The following EFCAB13 variants were observed in gnomAD, a reference collection of about 807,000 sequenced individuals.
EFCAB13 encodes the protein EF-hand calcium-binding domain-containing protein 13.
EFCAB13 carries 91 observed loss-of-function variants against 110.2 expected under a neutral mutation model. That is an observed-to-expected ratio of 0.83 (90% CI 0.70 to 0.98). The LOEUF (loss-of-function observed/expected upper bound fraction) is 0.98, where lower values mean the gene tolerates loss of function less well. EFCAB13 is among the 50% of genes least tolerant of loss of function. The probability of loss-of-function intolerance (pLI) is 0.00; values close to 1 mark genes in which losing one functional copy is unlikely to be tolerated. For synonymous variants in EFCAB13, 323 were observed against 369.9 expected, an observed-to-expected ratio of 0.87 and a Z score of 1.45; for missense variants, 968 against 1,119.4, an observed-to-expected ratio of 0.86 and a Z score of 1.93.
chr17:47,336,378 G>A (rs923073441), intron 5 of EFCAB13, among the ~76,000 whole-genome samples: 7 of 150,766 alleles, frequency 4.6e-5, no homozygotes, highest in South Asian at 2.1e-4. Flanking sequence ...TGCAAGCTGC[G>A]CCTCCTGGGT....
At chr17:47,429,629 C>T (rs1439584643) in intron 23 of EFCAB13, among the ~76,000 whole-genome samples, 189 bp from the exon 24 acceptor site, 1 of 152,212 alleles carries the variant, frequency 6.6e-6, no homozygotes, top group Non-Finnish European at 1.5e-5. Flanking sequence ...GTGTCTAGCA[C>T]TTAGCAAGTG....
At position 47,404,015 on chromosome 17, in the gene EFCAB13, G is replaced by C. The variant is rs761297607; in HGVS notation, c.2155G>C (p.Val719Leu). 6.3e-7 allele frequency: 1 copy of C among 1,585,458 alleles called. No homozygotes were observed. Among genetic ancestry groups the C allele is most frequent in the Non-Finnish European group, 8.6e-7 (1 of 1,169,458 alleles). The change falls in exon 19 of 25, where the codon GTT (valine) becomes CTT (leucine). Residue 719 changes from valine (V) to leucine (L), a missense_variant. By Grantham distance (32) the Val-to-Leu change is conservative. Transcript: ENST00000331493. ...AGAGAAAATTCTTCAATCAGATTTT[G>C]TTTCTGGTAAGCATTTTAAATATTA... ...EVEKILQSDF[V>L]SEDNMVNIKD...
At position 47,435,769 on chromosome 17, in the gene EFCAB13, G is replaced by A. The variant is rs570840927; in HGVS notation, c.2639-4662G>A. On this transcript the variant is annotated intron_variant, in intron 24 of 24. Transcript: ENST00000331493. The stretch of plus-strand genomic sequence containing the variant: ...GTTTGACTTCCTCTTTACCAGTTTC[G>A]ATGCCTTTCTTTCTCTTGCCATATT... 1.4e-4 allele frequency among the ~76,000 whole-genome samples: 21 copies of A among 151,946 alleles called. No homozygotes were observed. The South Asian group carries it at 4.2e-3, about 30-fold the overall frequency.
intron 21 of EFCAB13, among the ~76,000 whole-genome samples, chr17:47,411,505 TATATG>T (rs1567802625): frequency 1.3e-5 from 2 of 152,236 alleles, no homozygotes; most frequent in Admixed American, 1.3e-4. Flanking sequence ...TATCACTTAC[TATATG>T]ATATATTATA....
At chr17:47,325,953 TATATATATAGC>T (rs1251070111) in intron 2 of EFCAB13, among the ~76,000 whole-genome samples, 4 of 102,092 alleles carry the variant, frequency 3.9e-5, no homozygotes, top group African/African-American at 9.2e-5. Flanking sequence ...TATATATATA[TATATATATAGC>T]ATATATATAT....
intron 12 of EFCAB13, chr17:47,377,524 C>G (rs1405987715): frequency 4.3e-6 from 1 of 232,194 alleles, no homozygotes; most frequent in East Asian, 8.7e-5. Flanking sequence ...CAGGCTGTTC[C>G]CCCAAACAAG....
At chr17:47,351,596 A>G (rs1000663166) in intron 9 of EFCAB13, among the ~76,000 whole-genome samples, 6 of 151,998 alleles carry the variant, frequency 3.9e-5, no homozygotes, top group Non-Finnish European at 1.5e-5. Flanking sequence ...AAAAATGTCT[A>G]TTCATGTCAT....
chr17:47,386,064 A>G (rs2065673917), intron 14 of EFCAB13, among the ~76,000 whole-genome samples: 2 of 152,186 alleles, frequency 1.3e-5, no homozygotes. Context: ...GTGTCTGACA[A>G]TCGCTGTTGG....
chr17:47,440,474 C>T lies in EFCAB13; in HGVS notation c.2682C>T (p.Ser894=), dbSNP rs200910398. ...VSIQEFMTKL[S]DILTIPKAAG... is the part of the protein sequence containing the mutation. ...TTCAAGAATTTATGACTAAATTATC[C>T]GATATATTGACAATTCCTAAAGCTG... is the stretch of plus-strand genomic sequence containing the variant. Residue 894 remains serine, a synonymous_variant, in exon 25 of 25, where the codon TCC becomes TCT. Coordinates refer to ENST00000331493, the MANE Select transcript of EFCAB13 (RefSeq NM_152347.5). The T allele has an allele frequency of 5.6e-4, 902 of 1,605,002 alleles. 3 individuals are homozygous for T. In the Admixed American group the frequency reaches 9.5e-3, roughly 17 times the overall value.
At chr17:47,347,279 A>G (rs1037122762) in intron 8 of EFCAB13, among the ~76,000 whole-genome samples, 40 of 152,188 alleles carry the variant, frequency 2.6e-4, no homozygotes, top group Non-Finnish European at 8.8e-5. Flanking sequence ...CTCTGGCTCT[A>G]AAAAGACAAA....
At chr17:47,358,097 A>G (rs1473918085) in intron 9 of EFCAB13, among the ~76,000 whole-genome samples, 1 of 152,240 alleles carries the variant, frequency 6.6e-6, no homozygotes, top group Non-Finnish European at 1.5e-5. Context: ...TCCAAGCAAT[A>G]TATGTGTATA....
chr17:47,361,533 G>T lies in EFCAB13; in HGVS notation c.805+12G>T, dbSNP rs1201055494. On this transcript the variant is annotated intron_variant, in intron 10 of 24. Transcript: ENST00000331493. ...TACCTATATTGACAGTGAGTTATTT[G>T]CATTGAGATATATATGTCCATATAT... 1.9e-6 allele frequency: 3 copies of T among 1,594,224 alleles called. No homozygotes were observed. The highest frequency in any genetic ancestry group is 2.6e-6 in the Non-Finnish European group (3 of 1,163,374).
chr17:47,404,472 T>C, intron 19 of EFCAB13, 90 bp from the exon 20 acceptor site: 3 of 944,544 alleles, frequency 3.2e-6, no homozygotes, highest in Non-Finnish European at 4.8e-6. Context: ...GTTCGAGAAA[T>C]ATATAAGTCA....
intron 24 of EFCAB13, among the ~76,000 whole-genome samples, chr17:47,438,147 T>C (rs2143530693): frequency 6.6e-6 from 1 of 152,338 alleles, no homozygotes; most frequent in Non-Finnish European, 1.5e-5. Context: ...TACTGAGAAA[T>C]CTGCTGTTAA....
In EFCAB13 at chr17:47,374,571, C is replaced by T; in HGVS notation, c.977C>T (p.Ser326Phe). The change falls in exon 12 of 25, where the codon TCT becomes TTT. Residue 326 changes from serine to phenylalanine, a missense_variant. Transcript: ENST00000331493. ...YLKYKKKNSL[S>F]SKLPEPSISK... Reference sequence around the variant, plus strand: ...AAATATAAGAAGAAAAATAGTTTGTCTTCCAAACTCCCTGAACCTTCAATA... The same window carrying T: ...AAATATAAGAAGAAAAATAGTTTGTTTTCCAAACTCCCTGAACCTTCAATA... 1 of 1,595,252 alleles carries T rather than the reference C, an allele frequency of 6.3e-7. No homozygotes were observed. Among genetic ancestry groups the T allele is most frequent in the South Asian group, 1.2e-5 (1 of 86,068 alleles).
At chr17:47,382,393 G>T (rs1009350317) in intron 14 of EFCAB13, among the ~76,000 whole-genome samples, 5 of 152,176 alleles carry the variant, frequency 3.3e-5, no homozygotes, top group Admixed American at 6.5e-5. Context: ...CCAATACTAT[G>T]TTGAATAGGA....
At chr17:47,381,924 T>C (rs2065649229) in intron 14 of EFCAB13, among the ~76,000 whole-genome samples, 1 of 152,248 alleles carries the variant, frequency 6.6e-6, no homozygotes, top group South Asian at 2.1e-4. Context: ...GGGATAGCAC[T>C]GAATCTATAA....
Position 47,335,330 on chromosome 17 carries a change from G to A in EFCAB13, c.165G>A (p.Arg55=). 2 of 1,602,642 alleles carry A rather than the reference G, an allele frequency of 1.2e-6. No individual in the cohort carries two copies. The highest frequency in any genetic ancestry group is 1.7e-5 in the Admixed American group (1 of 57,358). The change falls in exon 5 of 25, where the codon AGG becomes AGA. Residue 55 remains arginine (R), a synonymous_variant. Transcript: ENST00000331493. ...AGAAGGAAATTTCACCGGAAATTAGGAGTTTGAGCCCAGAATATAAAAAAA... is the reference window on the plus strand; with the variant it reads ...AGAAGGAAATTTCACCGGAAATTAGAAGTTTGAGCCCAGAATATAAAAAAA... The part of the protein sequence containing the change: ...TIEKEISPEI[R]SLSPEYKKIF...
At chr17:47,343,800 G>C (rs1188270628) in intron 6 of EFCAB13, among the ~76,000 whole-genome samples, 1 of 152,002 alleles carries the variant, frequency 6.6e-6, no homozygotes, top group Non-Finnish European at 1.5e-5. Context: ...TCTCCACATT[G>C]CACTTAAGTC....
Sources: allele counts gnomAD v4.1 joint callset (sites outside exome capture counted in the v4.1 genomes callset), GRCh38; gene constraint gnomAD v4.1.1; transcripts MANE v1.5; gene names NCBI Gene and HGNC (gene_info 2026-07-23, HGNC 2026-07-21).